The following SEC14L4 variants were observed in gnomAD, a reference collection of about 807,000 sequenced individuals.
The protein encoded by SEC14L4 is SEC14-like protein 4.
Under a neutral mutation model 55.1 loss-of-function variants are expected in SEC14L4, and 42 were observed. The ratio of observed to expected loss-of-function variants is 0.76; its 90% confidence interval spans 0.60 to 0.99. The LOEUF (loss-of-function observed/expected upper bound fraction) is 0.99, where lower values mean the gene tolerates loss of function less well. SEC14L4 is among the 50% of genes least tolerant of loss of function. The pLI, the probability that SEC14L4 is intolerant of heterozygous loss-of-function variation, is 0.00. For synonymous variants in SEC14L4, 206 were observed against 206.8 expected, an observed-to-expected ratio of 1.00 and a Z score of 0.03; for missense variants, 445 against 512.1, an observed-to-expected ratio of 0.87 and a Z score of 1.27.
intron 3 of SEC14L4, 87 bp from the exon 4 acceptor site, chr22:30,495,729 C>T (rs765924566): frequency 3.1e-6 from 5 of 1,610,782 alleles, no homozygotes; most frequent in Non-Finnish European, 4.2e-6. Context: ...ACCAAGATCC[C>T]ACCACAGCAT....
At chr22:30,495,741 C>T in intron 3 of SEC14L4, 99 bp from the exon 4 acceptor site, 2 of 1,609,450 alleles carry the variant, frequency 1.2e-6, no homozygotes, top group South Asian at 1.1e-5. Flanking sequence ...CCACAGCATA[C>T]CCAGGCTCTC....
Position 30,494,838 on chromosome 22 carries a change from C to T in SEC14L4, c.519+28G>A, listed in dbSNP as rs377583996. 25 of 1,521,278 alleles carry T rather than the reference C, an allele frequency of 1.6e-5. No homozygotes were observed. The African/African-American group carries it at 3.1e-4, about 19-fold the overall frequency. 94.2% of individuals were successfully genotyped at this position (1,521,278 alleles called of 1,614,324 possible). On this transcript the variant is annotated intron_variant, in intron 6 of 11. Coordinates refer to ENST00000255858, the MANE Select transcript of SEC14L4 (RefSeq NM_174977.4). ...TCACAGCTGGGAGCCACTGCCCACA[C>T]CAGCCCCAAGCCAGCCACCCACCTT...
chr22:30,496,192 C>T (rs1310238822), intron 2 of SEC14L4, among the ~76,000 whole-genome samples: 1 of 152,188 alleles, frequency 6.6e-6, no homozygotes, highest in East Asian at 1.9e-4. Context: ...GTGATCATAG[C>T]TTACTGTGGC....
intron 2 of SEC14L4, among the ~76,000 whole-genome samples, chr22:30,503,269 T>C (rs1043539462): frequency 1.5e-5 from 2 of 129,746 alleles, no homozygotes; most frequent in Non-Finnish European, 3.3e-5. Flanking sequence ...TGTTTTTTTG[T>C]TTTTTTTTTT....
intron 2 of SEC14L4, among the ~76,000 whole-genome samples, chr22:30,502,748 G>A (rs770210361): frequency 5.3e-5 from 8 of 151,738 alleles, no homozygotes; most frequent in South Asian, 4.2e-4. Context: ...ATGAGGTTTC[G>A]CCATGTTGCC....
At chr22:30,501,628 A>T (rs1213369775) in intron 2 of SEC14L4, among the ~76,000 whole-genome samples, 4 of 152,072 alleles carry the variant, frequency 2.6e-5, no homozygotes, top group Non-Finnish European at 5.9e-5. Flanking sequence ...AATGAAGGAA[A>T]TCCAAATAAT....
intron 11 of SEC14L4, 49 bp from the exon 12 acceptor site, chr22:30,490,295 A>C (rs1301663058): frequency 3.7e-6 from 6 of 1,604,746 alleles, no homozygotes; most frequent in East Asian, 4.5e-5. Flanking sequence ...GCACATCTGC[A>C]GGAAGAGCCA....
Position 30,489,628 on chromosome 22 carries a change from C to T in SEC14L4, c.*479G>A, listed in dbSNP as rs1437782096. On this transcript the variant is annotated 3_prime_UTR_variant, in exon 12 of 12. Transcript: ENST00000255858. ...AACCAGGACCCTCACCCAGCTGCCTCCAGCTGGGCCTGCCCACCCCTGCTG... is the reference window on the plus strand; with the variant it reads ...AACCAGGACCCTCACCCAGCTGCCTTCAGCTGGGCCTGCCCACCCCTGCTG... 1.4e-5 allele frequency: 8 copies of T among 589,182 alleles called. No homozygotes were observed. Among genetic ancestry groups the T allele is most frequent in the South Asian group, 4.1e-5 (2 of 48,426 alleles). The allele number at this position is 589,182 out of a possible 1,614,324, so 36.5% of individuals were successfully genotyped here.
intron 3 of SEC14L4, 115 bp from the exon 4 acceptor site, chr22:30,495,757 G>A (rs750951435): frequency 1.9e-4 from 312 of 1,606,150 alleles, no homozygotes; most frequent in Non-Finnish European, 2.5e-4. Context: ...CTCTCAGAGC[G>A]TGGGGACAGG....
chr22:30,491,603 C>A lies in SEC14L4; in HGVS notation c.1051G>T (p.Gly351Trp), dbSNP rs867321945. Residue 351 changes from glycine (G) to tryptophan (W), a missense_variant, in exon 11 of 12, where the codon GGG (glycine) becomes TGG (tryptophan). Coordinates refer to ENST00000255858, the MANE Select transcript of SEC14L4 (RefSeq NM_174977.4). ...CCAGCCTGGAGGCAGGTGAGGCTCC[C>A]ATCCTCAGGCACCATGTGGGCATTG... ...RYNAHMVPED[G>W]SLTCLQAGVY... 1.9e-6 allele frequency: 3 copies of A among 1,614,174 alleles called. No individual in the cohort carries two copies. Among genetic ancestry groups the A allele is most frequent in the Non-Finnish European group, 2.5e-6 (3 of 1,180,012 alleles).
intron 11 of SEC14L4, 48 bp downstream of exon 11, chr22:30,491,525 G>C (rs760996476): frequency 1.2e-6 from 2 of 1,608,592 alleles, no homozygotes; most frequent in South Asian, 2.2e-5. Context: ...GGCAAGCAGA[G>C]GGGAGACTGG....
intron 11 of SEC14L4, 47 bp from the exon 12 acceptor site, chr22:30,490,293 G>T: frequency 6.2e-7 from 1 of 1,605,630 alleles, no homozygotes; most frequent in Non-Finnish European, 8.5e-7. Context: ...CCGCACATCT[G>T]CAGGAAGAGC....
intron 7 of SEC14L4, chr22:30,492,815 G>A: frequency 2.4e-6 from 1 of 409,158 alleles, no homozygotes; most frequent in Non-Finnish European, 4.5e-6. Context: ...CAGGCGCAGT[G>A]GCTCATGCCT....
chr22:30,503,045 C>T (rs1936379456), intron 2 of SEC14L4, among the ~76,000 whole-genome samples: 1 of 152,226 alleles, frequency 6.6e-6, no homozygotes, highest in South Asian at 2.1e-4. Flanking sequence ...GAAAACAGTG[C>T]TCTGCAACAT....
intron 1 of SEC14L4, 80 bp from the exon 2 acceptor site, chr22:30,503,832 A>G: frequency 9.4e-7 from 1 of 1,059,846 alleles, no homozygotes; most frequent in Non-Finnish European, 1.4e-6. Context: ...CCCTTCCCAC[A>G]TCATCCACCA....
intron 1 of SEC14L4, 134 bp from the exon 2 acceptor site, chr22:30,503,886 CTTTG>C (rs1252573764): frequency 1.7e-6 from 1 of 593,516 alleles, no homozygotes; most frequent in Non-Finnish European, 2.9e-6. Context: ...CCCTGAACGA[CTTTG>C]CCATCTGAAA....
At chr22:30,493,391 G>A (rs1180833308) in intron 7 of SEC14L4, among the ~76,000 whole-genome samples, 1 of 152,168 alleles carries the variant, frequency 6.6e-6, no homozygotes, top group Non-Finnish European at 1.5e-5. Context: ...GGGGGCTATT[G>A]TATCCCCATC....
chr22:30,505,402 C>T (rs1030541545), intron 1 of SEC14L4, among the ~76,000 whole-genome samples, 156 bp downstream of exon 1: 1 of 152,180 alleles, frequency 6.6e-6, no homozygotes, highest in Non-Finnish European at 1.5e-5. Context: ...TGCACGTAGC[C>T]GCCTCAACAA....
Position 30,489,837 on chromosome 22 carries a change from G to T in SEC14L4, c.*270C>A. 1.3e-6 allele frequency: 2 copies of T among 1,547,488 alleles called. No individual in the cohort carries two copies. The highest frequency in any genetic ancestry group is 1.7e-6 in the Non-Finnish European group (2 of 1,143,110). On this transcript the variant is annotated 3_prime_UTR_variant, in exon 12 of 12. Transcript: ENST00000255858. The stretch of plus-strand genomic sequence containing the variant: ...TCTGCAAGCAGGACCCATCCTCAGT[G>T]GACTGGATCATCTTCAGCGTTCTCA...
Sources: gnomAD v4.1 joint callset for allele counts (sites outside exome capture counted in the v4.1 genomes callset) on GRCh38, gnomAD v4.1.1 for gene constraint, MANE v1.5 for transcripts, NCBI Gene and HGNC (gene_info 2026-07-23, HGNC 2026-07-21) for gene names.